C14orf132: variants seen among roughly 807,000 people sequenced by gnomAD.
C14orf132 encodes uncharacterized protein C14orf132.
In C14orf132, 6 loss-of-function variants were observed where a neutral mutation model predicts 5.8. The observed-to-expected ratio is 1.03, with a 90% CI of 0.57 to 2.04. The LOEUF (loss-of-function observed/expected upper bound fraction) is 2.04, where lower values mean the gene tolerates loss of function less well. C14orf132 is among the 30% of genes most tolerant of loss of function. C14orf132 has a pLI of 0.00. For missense variants in C14orf132, 125 were observed against 115.8 expected, an observed-to-expected ratio of 1.08 and a Z score of -0.37; for synonymous variants, 51 against 49.8, an observed-to-expected ratio of 1.02 and a Z score of -0.10.
intron 1 of C14orf132, among the ~76,000 whole-genome samples, chr14:96,074,416 G>A (rs1410599670): frequency 6.6e-6 from 1 of 152,096 alleles, no homozygotes; most frequent in Admixed American, 6.5e-5. Flanking sequence ...TGCTTTTGAT[G>A]TTGGATCTAA....
chr14:96,072,080 G>A (rs1887727573), intron 1 of C14orf132, among the ~76,000 whole-genome samples: 1 of 152,216 alleles, frequency 6.6e-6, no homozygotes, highest in South Asian at 2.1e-4. Flanking sequence ...GGCCATCAGG[G>A]TTAAGGTGGG....
intron 1 of C14orf132, among the ~76,000 whole-genome samples, chr14:96,059,753 T>C (rs1289603651): frequency 6.6e-6 from 1 of 152,206 alleles, no homozygotes; most frequent in Non-Finnish European, 1.5e-5. Flanking sequence ...CTGCAGGTGC[T>C]TCTCACCTGG....
intron 1 of C14orf132, among the ~76,000 whole-genome samples, chr14:96,049,389 G>A (rs1886931560): frequency 6.7e-6 from 1 of 148,776 alleles, no homozygotes; most frequent in Admixed American, 6.7e-5. Flanking sequence ...CGCCCAGGCT[G>A]GAGTGCAGTG....
chr14:96,063,598 C>T (rs996851347), intron 1 of C14orf132, among the ~76,000 whole-genome samples: 2 of 152,242 alleles, frequency 1.3e-5, no homozygotes, highest in Non-Finnish European at 2.9e-5. Flanking sequence ...GGTGAGCCAC[C>T]ACACCCAGCC....
chr14:96,068,904 T>C (rs553503170), intron 1 of C14orf132, among the ~76,000 whole-genome samples: 1 of 152,132 alleles, frequency 6.6e-6, no homozygotes, highest in African/African-American at 2.4e-5. Flanking sequence ...TCCTCTCCAA[T>C]GTGAGTGGCA....
At chr14:96,063,283 A>G (rs1416485075) in intron 1 of C14orf132, among the ~76,000 whole-genome samples, 1 of 152,088 alleles carries the variant, frequency 6.6e-6, no homozygotes, top group East Asian at 1.9e-4. Context: ...TGTCCACCCA[A>G]GGAACAGGAC....
chr14:96,049,572 A>ATATATACGTATATATACG (rs1886950680), intron 1 of C14orf132, among the ~76,000 whole-genome samples: 3 of 123,804 alleles, frequency 2.4e-5, no homozygotes, highest in African/African-American at 8.2e-5. Flanking sequence ...GTATATATAC[A>ATATATACGTATATATACG]TATATACGTA....
At chr14:96,072,792 C>T (rs1304135826) in intron 1 of C14orf132, among the ~76,000 whole-genome samples, 2 of 152,182 alleles carry the variant, frequency 1.3e-5, no homozygotes, top group Non-Finnish European at 2.9e-5. Flanking sequence ...GAGATTCACC[C>T]GTGTCATTGC....
chr14:96,087,056 A>T lies in C14orf132; in HGVS notation c.*321A>T. 1 of 370,610 alleles carries T rather than the reference A, an allele frequency of 2.7e-6. No homozygotes were observed. The highest frequency in any genetic ancestry group is 4.9e-6 in the Non-Finnish European group (1 of 202,658). 23.0% of individuals were successfully genotyped at this position (370,610 alleles called of 1,614,324 possible). On this transcript the variant is annotated 3_prime_UTR_variant, in exon 2 of 2. Transcript: ENST00000555004. ...ACAGCTAGTTAAGTTTAAAACATAGACATGATTTGATGATCGCTTGCTGGT... is the reference window on the plus strand; with the variant it reads ...ACAGCTAGTTAAGTTTAAAACATAGTCATGATTTGATGATCGCTTGCTGGT...
chr14:96,059,311 C>A (rs577649560), intron 1 of C14orf132, among the ~76,000 whole-genome samples: 2 of 152,234 alleles, frequency 1.3e-5, no homozygotes, highest in East Asian at 3.9e-4. Context: ...GAAAAACCTG[C>A]CCCATGGGTT....
chr14:96,069,181 A>ATATATATATATATATGTATATATATATG (rs1474201408), intron 1 of C14orf132, among the ~76,000 whole-genome samples: 9 of 109,004 alleles, frequency 8.3e-5, no homozygotes, highest in African/African-American at 3.5e-4. Context: ...ATATATATGT[A>ATATATATATATATATGTATATATATATG]TATATATATA....
intron 1 of C14orf132, among the ~76,000 whole-genome samples, chr14:96,083,808 G>A (rs560761188): frequency 1.3e-5 from 2 of 152,304 alleles, no homozygotes; most frequent in East Asian, 1.9e-4. Flanking sequence ...TCACAGCAGC[G>A]ACAGGAAACT....
intron 1 of C14orf132, among the ~76,000 whole-genome samples, chr14:96,054,906 C>G (rs1887133975): frequency 6.6e-6 from 1 of 152,192 alleles, no homozygotes; most frequent in Admixed American, 6.5e-5. Context: ...TTGTCTAATG[C>G]AAAACCTTTG....
At position 96,039,362 on chromosome 14, in the gene C14orf132, A is replaced by G. The variant is rs1317030391; in HGVS notation, c.-139A>G. 3.3e-6 allele frequency: 2 copies of G among 613,236 alleles called. No individual in the cohort carries two copies. Among genetic ancestry groups the G allele is most frequent in the South Asian group, 4.2e-5 (1 of 23,662 alleles). 38.0% of individuals were successfully genotyped at this position (613,236 alleles called of 1,614,324 possible). A position where few individuals can be genotyped will look rare whatever the true frequency, so the allele number is the denominator to read the frequency against. On this transcript the variant is annotated 5_prime_UTR_variant, in exon 1 of 2. Coordinates refer to ENST00000555004, the MANE Select transcript of C14orf132 (RefSeq NM_001252507.3). This position sits in a 1 kb window ranked among gnomAD's most constrained non-coding sequence, Gnocchi z 5.3. ...CTCCGCCTAGTAGAGATCTGGAGCC[A>G]GAAGCCCAGAGACAGCCGAGTGCGC...
intron 1 of C14orf132, among the ~76,000 whole-genome samples, chr14:96,082,680 G>A (rs1268987752): frequency 1.3e-5 from 2 of 152,136 alleles, no homozygotes; most frequent in Non-Finnish European, 2.9e-5. Context: ...CACACAAAAA[G>A]CACATGACCA....
intron 1 of C14orf132, among the ~76,000 whole-genome samples, chr14:96,066,127 G>T (rs1184897968): frequency 6.6e-6 from 1 of 152,116 alleles, no homozygotes; most frequent in Admixed American, 6.5e-5. Context: ...ACAGGCCTTG[G>T]CTGTTTCTTC....
At chr14:96,081,839 A>G (rs1355311536) in intron 1 of C14orf132, among the ~76,000 whole-genome samples, 1 of 152,132 alleles carries the variant, frequency 6.6e-6, no homozygotes, top group Non-Finnish European at 1.5e-5. Flanking sequence ...GCCTCAAGCA[A>G]TCCTCCCATC....
intron 1 of C14orf132, among the ~76,000 whole-genome samples, chr14:96,044,681 G>C (rs746982738): frequency 6.6e-6 from 1 of 152,116 alleles, no homozygotes; most frequent in Non-Finnish European, 1.5e-5. Flanking sequence ...TCTGTTCCAG[G>C]CCACTCTCTT....
At chr14:96,049,297 C>A (rs1886926978) in intron 1 of C14orf132, among the ~76,000 whole-genome samples, 1 of 151,866 alleles carries the variant, frequency 6.6e-6, no homozygotes, top group Non-Finnish European at 1.5e-5. Context: ...TCCAATCTAA[C>A]AATCTCTGCT....
Sources: gnomAD v4.1 joint callset for allele counts (sites outside exome capture counted in the v4.1 genomes callset) on GRCh38, gnomAD v4.1.1 for gene constraint, Gnocchi (gnomAD v3.1) non-coding constraint, MANE v1.5 for transcripts, NCBI Gene and HGNC (gene_info 2026-07-23, HGNC 2026-07-21) for gene names.